PCDH11X: variants seen among roughly 807,000 people sequenced by gnomAD.
PCDH11X encodes protocadherin 11 X-linked, also known as protocadherin-11 X-linked.
Under a neutral mutation model 53.3 loss-of-function variants are expected in PCDH11X, and 18 were observed. The ratio of observed to expected loss-of-function variants is 0.34; its 90% CI spans 0.23 to 0.50. The LOEUF is 0.50. PCDH11X is among the 20% of genes least tolerant of loss of function. The probability of loss-of-function intolerance (pLI) is 0.98; values close to 1 mark genes in which losing one functional copy is unlikely to be tolerated. For synonymous variants in PCDH11X, 279 were observed against 393.3 expected (o/e 0.71, Z 3.44); for missense variants, 570 against 1,032.4 (o/e 0.55, Z 6.14).
chrX:92,248,820 G>C (rs2067402352), intron 7 of PCDH11X, among the ~76,000 whole-genome samples: 1 of 110,647 alleles, frequency 9.0e-6, no homozygotes, highest in African/African-American at 3.3e-5. Context: ...CTCTGCCTCT[G>C]CCTCCTGAGT....
intron 6 of PCDH11X, among the ~76,000 whole-genome samples, chrX:92,087,487 G>T (rs1350813767): frequency 9.0e-6 from 1 of 111,073 alleles, no homozygotes; most frequent in African/African-American, 3.3e-5. Context: ...CTTGTTTTTT[G>T]CTATTGTCTG....
intron 6 of PCDH11X, among the ~76,000 whole-genome samples, chrX:92,133,082 G>A (rs1286880017): frequency 5.4e-5 from 6 of 110,799 alleles, no homozygotes; most frequent in Middle Eastern, 4.7e-3. Flanking sequence ...TATAATTAAT[G>A]ACATTGCACA....
intron 9 of PCDH11X, among the ~76,000 whole-genome samples, chrX:92,434,869 C>T (rs2072334785): frequency 1.8e-5 from 2 of 109,690 alleles, no homozygotes; most frequent in Non-Finnish European, 3.8e-5. Flanking sequence ...TCGACTCAAT[C>T]TACACTGAAG....
chrX:92,461,566 A>G (rs2073045319), intron 9 of PCDH11X, among the ~76,000 whole-genome samples: 1 of 112,309 alleles, frequency 8.9e-6, no homozygotes, highest in South Asian at 3.6e-4. Flanking sequence ...ATCCAAGTGG[A>G]TTAAACACTT....
chrX:91,795,454 A>T (rs1176905589), intron 1 of PCDH11X, among the ~76,000 whole-genome samples: 2 of 110,840 alleles, frequency 1.8e-5, no homozygotes, highest in Non-Finnish European at 3.8e-5. Context: ...TATAGCCCAA[A>T]ATAGTCCAGT....
intron 10 of PCDH11X, among the ~76,000 whole-genome samples, chrX:92,598,550 A>C (rs1925879751): frequency 1.0e-5 from 1 of 96,968 alleles, no homozygotes; most frequent in Admixed American, 1.1e-4. Flanking sequence ...ACAGGGAATA[A>C]CAAAAACTGG....
chrX:91,876,692 A>C (rs1219455818), intron 5 of PCDH11X, 89 bp from the exon 6 acceptor site: 1 of 901,791 alleles, frequency 1.1e-6, no homozygotes, highest in East Asian at 5.0e-5. Flanking sequence ...AGCTAACATA[A>C]GTTAAATTAT....
At chrX:91,932,232 C>T (rs1281920829) in intron 6 of PCDH11X, among the ~76,000 whole-genome samples, 1 of 110,465 alleles carries the variant, frequency 9.1e-6, no homozygotes, top group Non-Finnish European at 1.9e-5. Flanking sequence ...CTGTTCTTGA[C>T]CAAAGCTGAG....
Position 91,977,181 on chromosome X carries a change from T to C in PCDH11X, c.3033+97908T>C, listed in dbSNP as rs2062058318. ...TAAGAGGGTTAATTGTATAAAATTA[T>C]CATAGAGTTGTAATTGAAAATCTCT... On this transcript the variant is annotated intron_variant, in intron 6 of 10. Coordinates refer to ENST00000682573, the MANE Select transcript of PCDH11X (RefSeq NM_032968.5). Among the ~76,000 whole-genome samples the C allele has an allele frequency of 4.5e-5, 5 of 111,700 alleles. No homozygotes were observed. The South Asian group carries it at 1.9e-3, about 41-fold the overall frequency.
At chrX:92,014,763 A>T (rs376810904) in intron 6 of PCDH11X, among the ~76,000 whole-genome samples, 2,500 of 111,379 alleles carry the variant, frequency 0.022, 48 homozygotes, top group African/African-American at 0.072. Context: ...GAAACCATCA[A>T]TCTCAGCAAA....
At chrX:92,100,518 C>G (rs367774423) in intron 6 of PCDH11X, among the ~76,000 whole-genome samples, 24 of 110,448 alleles carry the variant, frequency 2.2e-4, no homozygotes, top group Middle Eastern at 4.7e-3. Context: ...AATGTCATCA[C>G]TTAAGGCAAG....
intron 7 of PCDH11X, among the ~76,000 whole-genome samples, chrX:92,257,487 T>C (rs973736660): frequency 6.2e-5 from 7 of 112,019 alleles, no homozygotes; most frequent in African/African-American, 9.7e-5. Context: ...CAAAGTCTCA[T>C]CTGAGAGTAG....
intron 10 of PCDH11X, among the ~76,000 whole-genome samples, chrX:92,614,610 T>C (rs1161825794): frequency 1.8e-5 from 2 of 108,639 alleles, no homozygotes; most frequent in South Asian, 4.1e-4. Flanking sequence ...TGCACAGTTG[T>C]CTGAGCTCCT....
chrX:92,568,118 A>G (rs1489091709), intron 10 of PCDH11X, among the ~76,000 whole-genome samples: 6 of 109,166 alleles, frequency 5.5e-5, no homozygotes, highest in Non-Finnish European at 1.1e-4. Context: ...TCCATCCTCA[A>G]TACACTACAA....
intron 6 of PCDH11X, among the ~76,000 whole-genome samples, chrX:91,888,571 CT>C (rs1298899891): frequency 9.1e-6 from 1 of 109,949 alleles, no homozygotes; most frequent in African/African-American, 3.3e-5. Flanking sequence ...GGGAGAATCT[CT>C]TGAGTGGCGG....
At chrX:92,068,146 G>C (rs960955466) in intron 6 of PCDH11X, among the ~76,000 whole-genome samples, 2 of 108,792 alleles carry the variant, frequency 1.8e-5, no homozygotes, top group Non-Finnish European at 3.8e-5. Flanking sequence ...CTCATTTCAA[G>C]TTCATTTAAT....
chrX:92,492,072 T>C (rs1206638795), intron 10 of PCDH11X, among the ~76,000 whole-genome samples: 2 of 111,958 alleles, frequency 1.8e-5, no homozygotes, highest in Non-Finnish European at 3.8e-5. Flanking sequence ...TCTTTAATGG[T>C]GACAAATCAT....
intron 6 of PCDH11X, among the ~76,000 whole-genome samples, chrX:92,000,200 A>T (rs936892874): frequency 2.7e-5 from 3 of 111,581 alleles, no homozygotes; most frequent in African/African-American, 9.8e-5. Context: ...TGAATATTTC[A>T]CCTGAAGATA....
chrX:92,408,775 G>T (rs2071581347), intron 9 of PCDH11X, among the ~76,000 whole-genome samples: 2 of 108,982 alleles, frequency 1.8e-5, no homozygotes, highest in African/African-American at 3.4e-5. Flanking sequence ...GTAAAGACGG[G>T]GTTTCACCGT....
Sources: allele counts gnomAD v4.1 joint callset (sites outside exome capture counted in the v4.1 genomes callset), GRCh38; gene constraint gnomAD v4.1.1; transcripts MANE v1.5; gene names NCBI Gene and HGNC (gene_info 2026-07-23, HGNC 2026-07-21).